Variants in DCC observed in about 807,000 individuals in gnomAD.
DCC encodes the protein netrin receptor DCC.
DCC carries 58 observed loss-of-function variants against 172.5 expected under a neutral mutation model. The observed-to-expected ratio is 0.34, with a 90% CI of 0.27 to 0.42. The LOEUF (loss-of-function observed/expected upper bound fraction) is 0.42, where lower values mean the gene tolerates loss of function less well. DCC is among the 10% of genes least tolerant of loss of function. The pLI is 1.00. For missense variants in DCC, 1,740 were observed against 1,791.0 expected (o/e 0.97, Z 0.51); for synonymous variants, 709 against 644.5 (o/e 1.10, Z -1.52).
At chr18:52,510,186 T>A (rs2031384116) in intron 1 of DCC, among the ~76,000 whole-genome samples, 1 of 152,068 alleles carries the variant, frequency 6.6e-6, no homozygotes, top group Admixed American at 6.6e-5. Context: ...CTTGGTCCAT[T>A]CAGCTTAGCT....
intron 12 of DCC, among the ~76,000 whole-genome samples, chr18:53,234,821 A>C (rs1253952461): frequency 6.6e-6 from 1 of 152,096 alleles, no homozygotes; most frequent in Non-Finnish European, 1.5e-5. Context: ...AGATCTCTTG[A>C]AGAAGTAACA....
intron 15 of DCC, among the ~76,000 whole-genome samples, chr18:53,368,507 A>G (rs889209829): frequency 2.6e-5 from 4 of 152,102 alleles, no homozygotes; most frequent in African/African-American, 9.7e-5. Context: ...CATATCCAAG[A>G]AAACATTGCC....
chr18:52,536,465 G>T (rs80322761), intron 1 of DCC, among the ~76,000 whole-genome samples: 7,276 of 152,100 alleles, frequency 0.048, 216 homozygotes, highest in Non-Finnish European at 0.059. Context: ...CAGATCCAAA[G>T]AAAAATTACC....
rs546703735 is a variant in DCC, at chr18:52,692,784, G to A, written c.92-59270G>A. On this transcript the variant is annotated intron_variant, in intron 1 of 28. Transcript: ENST00000442544. ...TTACAACATTTCTAAATTCATGGTG[G>A]GAGGGTACCTATAGTTATACCATTT... Among the ~76,000 whole-genome samples, 4 of 152,120 alleles carry A rather than the reference G, an allele frequency of 2.6e-5. No individual in the cohort carries two copies. The East Asian group carries it at 7.7e-4, about 29-fold the overall frequency.
At chr18:52,527,803 C>A (rs571129118) in intron 1 of DCC, among the ~76,000 whole-genome samples, 1 of 152,284 alleles carries the variant, frequency 6.6e-6, no homozygotes, top group African/African-American at 2.4e-5. Context: ...AATGAAATTA[C>A]TATACCTATT....
At chr18:52,688,756 T>A (rs2035882421) in intron 1 of DCC, among the ~76,000 whole-genome samples, 1 of 152,042 alleles carries the variant, frequency 6.6e-6, no homozygotes, top group African/African-American at 2.4e-5. Context: ...ATGTTATACC[T>A]TAAGTATATA....
At position 52,419,999 on chromosome 18, in the gene DCC, C is replaced by T. The variant is rs570907721; in HGVS notation, c.91+79121C>T. ...AAGACTGAGTGACTTTTCTAATGTC[C>T]CCTCCTTGGAAGAGGCAGAGCCAGG... is the stretch of plus-strand genomic sequence containing the variant. On this transcript the variant is annotated intron_variant, in intron 1 of 28. Transcript: ENST00000442544. 2.0e-5 allele frequency among the ~76,000 whole-genome samples: 3 copies of T among 152,200 alleles called. No individual in the cohort carries two copies. The East Asian group carries it at 5.8e-4, about 29-fold the overall frequency.
intron 2 of DCC, among the ~76,000 whole-genome samples, chr18:52,829,026 C>G (rs538821876): frequency 2.0e-5 from 3 of 152,158 alleles, no homozygotes; most frequent in African/African-American, 7.2e-5. Context: ...AATTAAAATA[C>G]AATTAGGTCA....
chr18:52,693,453 TA>T (rs200648887), intron 1 of DCC, among the ~76,000 whole-genome samples: 3,590 of 147,978 alleles, frequency 0.024, 58 homozygotes, highest in Middle Eastern at 0.032. Context: ...TATATATCTT[TA>T]TATCTATGTG....
intron 7 of DCC, among the ~76,000 whole-genome samples, chr18:53,124,262 T>C (rs1166655132): frequency 6.6e-6 from 1 of 152,122 alleles, no homozygotes; most frequent in Non-Finnish European, 1.5e-5. Context: ...TTCTAAGTAA[T>C]AGAACAATTA....
chr18:53,179,461 G>A (rs1057338871), intron 9 of DCC, among the ~76,000 whole-genome samples: 24 of 152,076 alleles, frequency 1.6e-4, no homozygotes, highest in Non-Finnish European at 3.5e-4. Flanking sequence ...GATTTTTTGA[G>A]TTTGTAAAGA....
rs182341624 is a variant in DCC, at chr18:53,342,936, G to A, written c.2359+3029G>A. On this transcript the variant is annotated intron_variant, in intron 15 of 28. Transcript: ENST00000442544. ...TTTTAAATAAATTTTTACTATAGTG[G>A]ATTTATAGATGTATTATATAATGTA... is the stretch of plus-strand genomic sequence containing the variant. Among the ~76,000 whole-genome samples the A allele has an allele frequency of 6.5e-3, 828 of 127,926 alleles. 6 individuals carry two copies. Among genetic ancestry groups the A allele is most frequent in the Admixed American group, 0.028 (363 of 13,068 alleles). 83.9% of individuals were successfully genotyped at this position (127,926 alleles called of 152,430 possible). A position where few individuals can be genotyped will look rare whatever the true frequency, so the allele number is the denominator to read the frequency against.
intron 1 of DCC, among the ~76,000 whole-genome samples, chr18:52,694,400 C>G (rs569181378): frequency 6.6e-6 from 1 of 152,034 alleles, no homozygotes; most frequent in South Asian, 2.1e-4. Flanking sequence ...CAATAAAAAT[C>G]TGAATTTCAG....
chr18:52,584,361 A>C (rs1004168167), intron 1 of DCC, among the ~76,000 whole-genome samples: 8 of 152,228 alleles, frequency 5.3e-5, no homozygotes, highest in Non-Finnish European at 8.8e-5. Flanking sequence ...CATTAGATCC[A>C]ACATTATATG....
intron 12 of DCC, among the ~76,000 whole-genome samples, chr18:53,222,172 T>C (rs180792877): frequency 1.3e-5 from 2 of 152,090 alleles, no homozygotes; most frequent in African/African-American, 4.8e-5. Flanking sequence ...AATAAAATAG[T>C]AAATTATTGG....
intron 13 of DCC, among the ~76,000 whole-genome samples, chr18:53,306,617 A>G (rs1451899060): frequency 6.6e-6 from 1 of 152,242 alleles, no homozygotes; most frequent in Non-Finnish European, 1.5e-5. Context: ...GAGTTCACCA[A>G]CAGCTTACTG....
intron 5 of DCC, among the ~76,000 whole-genome samples, chr18:53,035,531 T>C (rs934136999): frequency 8.5e-5 from 13 of 152,108 alleles, no homozygotes; most frequent in African/African-American, 3.1e-4. Flanking sequence ...TTAATATAAT[T>C]GTTATTTGAG....
intron 5 of DCC, among the ~76,000 whole-genome samples, chr18:52,949,871 C>G (rs967293105): frequency 8.5e-5 from 13 of 152,170 alleles, no homozygotes; most frequent in Non-Finnish European, 1.8e-4. Flanking sequence ...CCTCCTCTAA[C>G]CTCTTTAGTC....
chr18:52,749,352 T>C (rs1314017934), intron 1 of DCC, among the ~76,000 whole-genome samples: 2 of 152,184 alleles, frequency 1.3e-5, no homozygotes, highest in African/African-American at 4.8e-5. Context: ...TGGGTTTCAC[T>C]GGGGACCCAC....
Sources: allele counts gnomAD v4.1 joint callset (sites outside exome capture counted in the v4.1 genomes callset), GRCh38; gene constraint gnomAD v4.1.1; transcripts MANE v1.5; gene names NCBI Gene and HGNC (gene_info 2026-07-23, HGNC 2026-07-21).